Variants in DNMBP observed in about 807,000 individuals in gnomAD.
DNMBP encodes the protein dynamin binding protein.
In DNMBP, 87 loss-of-function variants were observed where a neutral mutation model predicts 150.0. That is an observed-to-expected ratio of 0.58 (90% CI 0.49 to 0.69). DNMBP has a LOEUF of 0.69. Ranked by LOEUF, DNMBP falls within the 30% of genes least tolerant of loss-of-function variation. DNMBP has a pLI of 0.00. For missense variants in DNMBP, 1,774 were observed against 1,949.0 expected, an observed-to-expected ratio of 0.91 and a Z score of 1.69; for synonymous variants, 711 against 750.4, an observed-to-expected ratio of 0.95 and a Z score of 0.86.
At chr10:99,897,773 C>T (rs2039676511) in intron 9 of DNMBP, among the ~76,000 whole-genome samples, 1 of 152,032 alleles carries the variant, frequency 6.6e-6, no homozygotes. Context: ...ATTAGCTGGG[C>T]ATGGTGCCAC....
chr10:99,881,582 C>G (rs948529679), intron 15 of DNMBP, among the ~76,000 whole-genome samples: 1 of 152,210 alleles, frequency 6.6e-6, no homozygotes, highest in Non-Finnish European at 1.5e-5. Context: ...CTGTACCTGA[C>G]AGCTGATCTG....
intron 3 of DNMBP, among the ~76,000 whole-genome samples, chr10:99,965,742 C>T (rs2040613595): frequency 6.6e-6 from 1 of 152,282 alleles, no homozygotes; most frequent in Admixed American, 6.5e-5. Context: ...GGTGATCCAC[C>T]CGCCTAGGCC....
chr10:99,903,185 C>T (rs1256525548), intron 6 of DNMBP, among the ~76,000 whole-genome samples: 2 of 151,302 alleles, frequency 1.3e-5, no homozygotes, highest in African/African-American at 4.9e-5. Flanking sequence ...AAGCAATCCT[C>T]CCGCCTTGGC....
At chr10:99,961,138 G>A (rs1378669998) in intron 3 of DNMBP, among the ~76,000 whole-genome samples, 1 of 151,200 alleles carries the variant, frequency 6.6e-6, no homozygotes, top group African/African-American at 2.4e-5. Flanking sequence ...ATGTTCATTT[G>A]CTAATGATGA....
rs928405360 is a variant in DNMBP at position 99,971,975 on chromosome 10, C to A, written c.145+5G>T. ...CCTGTGGTCCACTATGAGTCTCTTACTTACCTGTAACATCCTCCTTCTTTC... is the reference window on the plus strand; with the variant it reads ...CCTGTGGTCCACTATGAGTCTCTTAATTACCTGTAACATCCTCCTTCTTTC... On this transcript the variant is annotated splice_donor_5th_base_variant and intron_variant, in intron 2 of 16. Transcript: ENST00000324109. The A allele has an allele frequency of 3.7e-6, 6 of 1,610,280 alleles. No homozygotes were observed. In the African/African-American group the frequency reaches 8.1e-5, roughly 22 times the overall value.
Position 99,877,383 on chromosome 10 carries a change from C to G in DNMBP, c.4549-47G>C, listed in dbSNP as rs1028698238. On this transcript the variant is annotated intron_variant, in intron 16 of 16. Transcript: ENST00000324109. ...AATGGGAAATTGCTGGGAGCAATGCCATCCAACAGCTTCGTGCGGTGTTGG... is the reference window on the plus strand; with the variant it reads ...AATGGGAAATTGCTGGGAGCAATGCGATCCAACAGCTTCGTGCGGTGTTGG... 3.3e-6 allele frequency: 5 copies of G among 1,503,208 alleles called. No individual in the cohort carries two copies. The African/African-American group carries it at 6.9e-5, about 21-fold the overall frequency. 93.1% of individuals were successfully genotyped at this position (1,503,208 alleles called of 1,614,324 possible).
At chr10:99,974,285 C>T (rs1010875012) in intron 1 of DNMBP, among the ~76,000 whole-genome samples, 1 of 152,190 alleles carries the variant, frequency 6.6e-6, no homozygotes, top group Non-Finnish European at 1.5e-5. Context: ...TATCCTTGTA[C>T]TGTTACGGTG....
intron 4 of DNMBP, among the ~76,000 whole-genome samples, chr10:99,948,228 A>G (rs918423354): frequency 6.6e-6 from 1 of 152,246 alleles, no homozygotes; most frequent in African/African-American, 2.4e-5. Context: ...TCATACACAA[A>G]TATAAAACCT....
At chr10:99,964,684 AAAATG>A (rs2040601404) in intron 3 of DNMBP, among the ~76,000 whole-genome samples, 1 of 151,582 alleles carries the variant, frequency 6.6e-6, no homozygotes, top group African/African-American at 2.4e-5. Context: ...CAGCTTGGCC[AAAATG>A]GTGAAACCCT....
chr10:99,934,163 A>C (rs1327501285), intron 4 of DNMBP, among the ~76,000 whole-genome samples: 2 of 152,162 alleles, frequency 1.3e-5, no homozygotes, highest in Admixed American at 6.5e-5. Flanking sequence ...AAATTTGTGA[A>C]AATGTTGGGC....
intron 1 of DNMBP, among the ~76,000 whole-genome samples, chr10:99,990,462 G>C (rs2040872928): frequency 6.6e-6 from 1 of 151,834 alleles, no homozygotes; most frequent in Non-Finnish European, 1.5e-5. Context: ...TGAGGTGGGA[G>C]GATGGCTTCC....
intron 4 of DNMBP, among the ~76,000 whole-genome samples, chr10:99,943,240 G>T (rs1182764095): frequency 6.6e-6 from 1 of 151,334 alleles, no homozygotes; most frequent in East Asian, 1.9e-4. Flanking sequence ...AGCCGAGATT[G>T]CACCACTACA....
In DNMBP at chr10:99,969,104, G is replaced by A. The variant is rs765381097; in HGVS notation, c.268+11C>T. ...AATTTCAAATAGTCTACTATTTGATGAGCAGCTTACCTCGATGGAGGGGAA... is the reference window on the plus strand; with the variant it reads ...AATTTCAAATAGTCTACTATTTGATAAGCAGCTTACCTCGATGGAGGGGAA... On this transcript the variant is annotated intron_variant, in intron 3 of 16. Transcript: ENST00000324109. The A allele has an allele frequency of 8.7e-6, 14 of 1,613,584 alleles. No individual in the cohort carries two copies. The African/African-American group carries it at 1.3e-4, about 15-fold the overall frequency.
intron 1 of DNMBP, among the ~76,000 whole-genome samples, chr10:99,972,385 T>G (rs1429603806): frequency 1.3e-5 from 2 of 151,932 alleles, no homozygotes; most frequent in Non-Finnish European, 2.9e-5. Flanking sequence ...TTCTCCCAGC[T>G]CAGTCTCCCA....
At chr10:99,905,202 GTA>G (rs943847779) in intron 6 of DNMBP, among the ~76,000 whole-genome samples, 6 of 152,186 alleles carry the variant, frequency 3.9e-5, no homozygotes, top group African/African-American at 1.4e-4. Context: ...CTCAATGTGT[GTA>G]TCTCCTTCCT....
chr10:100,002,869 C>G (rs1194490560), intron 1 of DNMBP, among the ~76,000 whole-genome samples: 2 of 151,954 alleles, frequency 1.3e-5, no homozygotes, highest in Non-Finnish European at 2.9e-5. Flanking sequence ...AGGGTAATAC[C>G]TTAAAACTTG....
chr10:99,955,331 G>C lies in DNMBP; in HGVS notation c.2143C>G (p.Leu715Val), dbSNP rs2040472007. 1 of 1,614,016 alleles carries C rather than the reference G, an allele frequency of 6.2e-7. No homozygotes were observed. The highest frequency in any genetic ancestry group is 1.1e-5 in the South Asian group (1 of 91,084). The change falls in exon 4 of 17, where the codon CTA becomes GTA. Residue 715 changes from leucine to valine, a missense_variant. This residue lies in a region of DNMBP where 1,430 missense variants were observed against 1,492.5 expected (regional missense o/e 0.96). Transcript: ENST00000324109. ...LDMYSRAQEE[L>V]NLMLEEKQDE... The stretch of plus-strand genomic sequence containing the variant: ...TGCTTCTCCTCCAGCATGAGGTTTA[G>C]CTCTTCTTGAGCTCTACTGTACATA...
chr10:99,879,716 G>C (rs1033832947), intron 16 of DNMBP, 95 bp downstream of exon 16: 1 of 1,555,238 alleles, frequency 6.4e-7, no homozygotes, highest in African/African-American at 1.4e-5. Flanking sequence ...ATCACCCCTA[G>C]GCCTCAGGCA....
chr10:99,992,768 T>C (rs779773448), intron 1 of DNMBP, among the ~76,000 whole-genome samples: 26 of 152,126 alleles, frequency 1.7e-4, no homozygotes, highest in Non-Finnish European at 2.8e-4. Flanking sequence ...CCTCGTGATC[T>C]ACTCGCCTGG....
Sources: gnomAD v4.1 joint callset for allele counts (sites outside exome capture counted in the v4.1 genomes callset) on GRCh38, gnomAD v4.1.1 for gene constraint, gnomAD v4.1.1 regional missense constraint, MANE v1.5 for transcripts, NCBI Gene and HGNC (gene_info 2026-07-23, HGNC 2026-07-21) for gene names.